Variants in NECAB1 observed in about 807,000 individuals in gnomAD.
NECAB1 encodes the protein N-terminal EF-hand calcium binding protein 1.
NECAB1 carries 29 observed loss-of-function variants against 57.5 expected under a neutral mutation model. The ratio of observed to expected loss-of-function variants is 0.50; its 90% CI spans 0.38 to 0.69. The LOEUF (loss-of-function observed/expected upper bound fraction) is 0.69, where lower values mean the gene tolerates loss of function less well. Among genes scored for constraint, NECAB1 ranks in the 30% least tolerant of loss-of-function variants. NECAB1 has a pLI of 0.00. For synonymous variants in NECAB1, 142 were observed against 147.7 expected, an observed-to-expected ratio of 0.96 and a Z score of 0.28; for missense variants, 372 against 413.8, an observed-to-expected ratio of 0.90 and a Z score of 0.88.
rs1425497246 is a variant in NECAB1, at chr8:90,951,217, G to T, written c.1030+13G>T. 2 of 1,469,444 alleles carry T rather than the reference G, an allele frequency of 1.4e-6. No individual in the cohort carries two copies. The highest frequency in any genetic ancestry group is 1.4e-5 in the African/African-American group (1 of 70,398). The allele number at this position is 1,469,444 out of a possible 1,614,324, so 91.0% of individuals were successfully genotyped here. A position where few individuals can be genotyped will look rare whatever the true frequency, so the allele number is the denominator to read the frequency against. Reference sequence around the variant, plus strand: ...ATGCTAGTTCCTGGTAATTATCCTGGGTTTACAATGCTTCTGTGTCCTTTT... The same window carrying T: ...ATGCTAGTTCCTGGTAATTATCCTGTGTTTACAATGCTTCTGTGTCCTTTT... On this transcript the variant is annotated intron_variant, in intron 12 of 12. Coordinates refer to ENST00000417640, the MANE Select transcript of NECAB1 (RefSeq NM_022351.5).
chr8:90,938,954 T>C (rs1810604992), intron 9 of NECAB1, among the ~76,000 whole-genome samples: 7 of 152,216 alleles, frequency 4.6e-5, no homozygotes. Flanking sequence ...GCTTTGCTGA[T>C]CTTGGCTGAG....
At chr8:90,939,736 CAAAAG>C (rs1810624378) in intron 9 of NECAB1, among the ~76,000 whole-genome samples, 1 of 152,146 alleles carries the variant, frequency 6.6e-6, no homozygotes, top group Non-Finnish European at 1.5e-5. Flanking sequence ...GTTAGTCCAA[CAAAAG>C]TAGGAATATT....
At chr8:90,800,944 G>C (rs1269097477) in intron 1 of NECAB1, among the ~76,000 whole-genome samples, 1 of 152,112 alleles carries the variant, frequency 6.6e-6, no homozygotes, top group African/African-American at 2.4e-5. Context: ...AAGAGTAATG[G>C]ATACCGGATG....
chr8:90,900,544 G>A (rs2130017684), intron 5 of NECAB1, among the ~76,000 whole-genome samples: 1 of 152,270 alleles, frequency 6.6e-6, no homozygotes, highest in East Asian at 1.9e-4. Context: ...ACCCAGTGTA[G>A]AATCTTATCC....
intron 7 of NECAB1, 50 bp downstream of exon 7, chr8:90,925,706 G>T: frequency 6.2e-7 from 1 of 1,602,506 alleles, no homozygotes; most frequent in Non-Finnish European, 8.5e-7. Flanking sequence ...TTTATCTTGC[G>T]TTTTCCAATT....
chr8:90,868,612 G>C (rs1808562305), intron 3 of NECAB1, among the ~76,000 whole-genome samples: 1 of 152,180 alleles, frequency 6.6e-6, no homozygotes, highest in Non-Finnish European at 1.5e-5. Context: ...TGGGATATCT[G>C]GCGGAAGAAA....
At chr8:90,881,187 T>G in intron 5 of NECAB1, 57 bp downstream of exon 5, 2 of 1,252,412 alleles carry the variant, frequency 1.6e-6, no homozygotes, top group Non-Finnish European at 2.2e-6. Context: ...AAAAGATTTT[T>G]CTTGAAAATC....
intron 6 of NECAB1, among the ~76,000 whole-genome samples, chr8:90,918,050 C>G (rs1056820926): frequency 6.7e-6 from 1 of 149,172 alleles, no homozygotes; most frequent in East Asian, 2.0e-4. Flanking sequence ...CACTTTGTCA[C>G]CCAGGCTTGA....
chr8:90,861,219 G>C (rs1031003650), intron 3 of NECAB1, among the ~76,000 whole-genome samples: 4 of 152,072 alleles, frequency 2.6e-5, no homozygotes, highest in Non-Finnish European at 5.9e-5. Context: ...GTCCATCTTA[G>C]GAGGGCCAGC....
chr8:90,835,291 A>G (rs1168975507), intron 3 of NECAB1, among the ~76,000 whole-genome samples: 1 of 152,178 alleles, frequency 6.6e-6, no homozygotes, highest in Non-Finnish European at 1.5e-5. Context: ...GCTATGCCTG[A>G]CTAGCCTTGC....
At chr8:90,942,690 T>C (rs1255288354) in intron 10 of NECAB1, among the ~76,000 whole-genome samples, 1 of 152,164 alleles carries the variant, frequency 6.6e-6, no homozygotes, top group Non-Finnish European at 1.5e-5. Flanking sequence ...GAGACCAGAC[T>C]GACCAACGTG....
At chr8:90,949,965 A>T in intron 11 of NECAB1, 81 bp downstream of exon 11, 1 of 836,860 alleles carries the variant, frequency 1.2e-6, no homozygotes, top group Non-Finnish European at 1.9e-6. Context: ...TTTGTAGGAA[A>T]GTTCCATTCT....
At chr8:90,855,380 A>G (rs1290695759) in intron 3 of NECAB1, among the ~76,000 whole-genome samples, 1 of 152,212 alleles carries the variant, frequency 6.6e-6, no homozygotes, top group Non-Finnish European at 1.5e-5. Flanking sequence ...AGGCATACTC[A>G]TTACACTATT....
intron 2 of NECAB1, among the ~76,000 whole-genome samples, chr8:90,807,882 A>G (rs1042714703): frequency 1.1e-4 from 16 of 152,222 alleles, no homozygotes; most frequent in Admixed American, 2.0e-4. Flanking sequence ...AAAGTGCCCT[A>G]GCAATGACCT....
intron 8 of NECAB1, among the ~76,000 whole-genome samples, chr8:90,930,074 A>G (rs1480112931): frequency 6.6e-6 from 1 of 152,238 alleles, no homozygotes; most frequent in Non-Finnish European, 1.5e-5. Context: ...GCAAGATGCA[A>G]AGTGAATTAA....
rs191276272 is a variant in NECAB1, at chr8:90,792,555, T to G, written c.99+570T>G. Reference sequence around the variant, plus strand: ...CACTGCCACCTCTTCTATTTTCCCTTTTTCTTCCCTGATATTCTCCTTCTC... The same window carrying G: ...CACTGCCACCTCTTCTATTTTCCCTGTTTCTTCCCTGATATTCTCCTTCTC... On this transcript the variant is annotated intron_variant, in intron 1 of 12. Transcript: ENST00000417640. Among the ~76,000 whole-genome samples, 1,089 of 152,282 alleles carry G rather than the reference T, an allele frequency of 7.2e-3. 5 individuals are homozygous for G. The highest frequency in any genetic ancestry group is 1.0e-2 in the Non-Finnish European group (677 of 68,026).
At chr8:90,906,891 A>ATATATATATATATATATATATATATATG (rs1809682308) in intron 5 of NECAB1, among the ~76,000 whole-genome samples, 2 of 113,414 alleles carry the variant, frequency 1.8e-5, no homozygotes, top group African/African-American at 8.0e-5. Context: ...ATATATATAT[A>ATATATATATATATATATATATATATATG]TATATATATA....
chr8:90,796,928 A>G (rs543385572), intron 1 of NECAB1, among the ~76,000 whole-genome samples: 1 of 152,348 alleles, frequency 6.6e-6, no homozygotes, highest in South Asian at 2.1e-4. Context: ...ATGAAATGAA[A>G]TGAACAGAAG....
intron 5 of NECAB1, among the ~76,000 whole-genome samples, chr8:90,906,625 A>G (rs1481577269): frequency 6.6e-6 from 1 of 152,076 alleles, no homozygotes; most frequent in Non-Finnish European, 1.5e-5. Context: ...TGTACATTCA[A>G]ATAATATTTG....
Sources: gnomAD v4.1 joint callset for allele counts (sites outside exome capture counted in the v4.1 genomes callset) on GRCh38, gnomAD v4.1.1 for gene constraint, MANE v1.5 for transcripts, NCBI Gene and HGNC (gene_info 2026-07-23, HGNC 2026-07-21) for gene names.